PDCD4: variants seen among roughly 807,000 people sequenced by gnomAD.
The protein encoded by PDCD4 is programmed cell death 4.
PDCD4 carries 56 observed loss-of-function variants against 54.0 expected under a neutral mutation model. The observed-to-expected ratio is 1.04, with a 90% CI of 0.84 to 1.30. The LOEUF is 1.30. Ranked by LOEUF, PDCD4 falls within the 50% of genes most tolerant of loss-of-function variation. PDCD4 has a pLI of 0.00. For synonymous variants in PDCD4, 186 were observed against 194.8 expected, an observed-to-expected ratio of 0.95 and a Z score of 0.37; for missense variants, 584 against 559.8, an observed-to-expected ratio of 1.04 and a Z score of -0.44.
chr10:110,872,318 G>C (rs1845423381), intron 1 of PDCD4: 1 of 152,432 alleles, frequency 6.6e-6, no homozygotes, highest in Non-Finnish European at 1.5e-5. Flanking sequence ...CCACTGAGAG[G>C]GGCGCGCGAG....
At chr10:110,881,586 T>C (rs1225876774) in intron 3 of PDCD4, 51 bp downstream of exon 3, 1 of 1,498,170 alleles carries the variant, frequency 6.7e-7, no homozygotes, top group African/African-American at 1.4e-5. Flanking sequence ...TGGAAAAAAA[T>C]TGTCTGGTTC....
At chr10:110,895,339 T>A (rs1195328478) in intron 10 of PDCD4, among the ~76,000 whole-genome samples, 3 of 152,134 alleles carry the variant, frequency 2.0e-5, no homozygotes, top group Non-Finnish European at 2.9e-5. Flanking sequence ...TTATTTGGTT[T>A]TATGTTTGTG....
intron 2 of PDCD4, among the ~76,000 whole-genome samples, chr10:110,879,101 G>A (rs922889357): frequency 2.6e-5 from 4 of 152,036 alleles, no homozygotes; most frequent in Non-Finnish European, 5.9e-5. Flanking sequence ...CTTTAAAAGT[G>A]TAACATTATT....
chr10:110,892,792 T>A (rs1448449323), intron 8 of PDCD4, among the ~76,000 whole-genome samples: 1 of 152,178 alleles, frequency 6.6e-6, no homozygotes, highest in Non-Finnish European at 1.5e-5. Flanking sequence ...AGTGTATGGG[T>A]AATGTCTTAG....
Position 110,898,150 on chromosome 10 carries a change from T to C in PDCD4, c.*62T>C, listed in dbSNP as rs762843302. On this transcript the variant is annotated 3_prime_UTR_variant, in exon 12 of 12. Transcript: ENST00000280154. ...TATATATCTGAATTGTAAGAGTTGT[T>C]AGCACAAGTTTTTTTTTTTTTTTTT... 2.6e-5 allele frequency: 23 copies of C among 888,828 alleles called. No homozygotes were observed. The East Asian group carries it at 6.8e-4, about 26-fold the overall frequency. 55.1% of individuals were successfully genotyped at this position (888,828 alleles called of 1,614,324 possible).
At chr10:110,885,208 T>C (rs1455620396) in intron 4 of PDCD4, 45 bp from the exon 5 acceptor site, 1 of 851,198 alleles carries the variant, frequency 1.2e-6, no homozygotes, top group Admixed American at 2.1e-5. Context: ...ACTTGTTTAT[T>C]TGCATTTTGT....
intron 6 of PDCD4, among the ~76,000 whole-genome samples, chr10:110,889,289 G>A (rs933347797): frequency 1.6e-4 from 25 of 151,774 alleles, no homozygotes; most frequent in African/African-American, 6.1e-4. Context: ...AAGGTGTTAG[G>A]GATTCATTAG....
chr10:110,877,977 C>T (rs1004404180), intron 2 of PDCD4, among the ~76,000 whole-genome samples: 1 of 152,118 alleles, frequency 6.6e-6, no homozygotes, highest in Non-Finnish European at 1.5e-5. Flanking sequence ...TTATGCCACT[C>T]ATTGGACACC....
intron 1 of PDCD4, among the ~76,000 whole-genome samples, chr10:110,872,660 G>C (rs1590723384): frequency 6.6e-6 from 1 of 152,206 alleles, no homozygotes; most frequent in South Asian, 2.1e-4. Flanking sequence ...GGGGCGCTGG[G>C]AGGCGAACAC....
chr10:110,887,535 T>A, intron 5 of PDCD4, 130 bp from the exon 6 acceptor site: 4 of 615,188 alleles, frequency 6.5e-6, no homozygotes, highest in Non-Finnish European at 8.5e-6. Flanking sequence ...TGACTGGGTC[T>A]TTTGATTATT....
intron 8 of PDCD4, among the ~76,000 whole-genome samples, chr10:110,892,964 T>C (rs532112494): frequency 1.3e-5 from 2 of 152,270 alleles, no homozygotes; most frequent in Admixed American, 6.5e-5. Context: ...CAAATACCAT[T>C]GTGTTCCAAT....
intron 1 of PDCD4, among the ~76,000 whole-genome samples, chr10:110,873,899 C>T (rs1010768495): frequency 6.6e-6 from 1 of 152,112 alleles, no homozygotes; most frequent in Admixed American, 6.5e-5. Flanking sequence ...ACAGTTTTGT[C>T]TGACGGAATG....
At chr10:110,886,896 T>C (rs190963084) in intron 5 of PDCD4, among the ~76,000 whole-genome samples, 1 of 152,232 alleles carries the variant, frequency 6.6e-6, no homozygotes, top group African/African-American at 2.4e-5. Context: ...CATTTTAAAC[T>C]TGATACAAAA....
intron 3 of PDCD4, 32 bp from the exon 4 acceptor site, chr10:110,882,971 G>T: frequency 7.7e-7 from 1 of 1,306,876 alleles, no homozygotes; most frequent in Non-Finnish European, 1.1e-6. Flanking sequence ...TGAATTTTGT[G>T]TTTTTTCTTT....
intron 3 of PDCD4, among the ~76,000 whole-genome samples, chr10:110,881,824 A>C (rs916124385): frequency 6.6e-6 from 1 of 152,168 alleles, no homozygotes; most frequent in African/African-American, 2.4e-5. Context: ...TACGAGTTTT[A>C]CGTATATTCT....
chr10:110,890,878 T>G (rs1845745071), intron 8 of PDCD4: 1 of 361,908 alleles, frequency 2.8e-6, no homozygotes, highest in Non-Finnish European at 4.9e-6. Context: ...AAAATGGCTT[T>G]CATGAATAAT....
chr10:110,888,786 C>A (rs1241368942), intron 6 of PDCD4, among the ~76,000 whole-genome samples: 1 of 152,104 alleles, frequency 6.6e-6, no homozygotes, highest in Non-Finnish European at 1.5e-5. Context: ...TTTAACCATA[C>A]CTTTATTTTT....
intron 9 of PDCD4, 98 bp downstream of exon 9, chr10:110,894,296 A>G (rs948280839): frequency 5.5e-5 from 49 of 895,484 alleles, no homozygotes; most frequent in Non-Finnish European, 8.1e-5. Flanking sequence ...TTTTTTTAAT[A>G]TCAAAGGAGG....
chr10:110,878,955 T>TA (rs1395716679), intron 2 of PDCD4, among the ~76,000 whole-genome samples: 1 of 152,168 alleles, frequency 6.6e-6, no homozygotes, highest in Non-Finnish European at 1.5e-5. Flanking sequence ...AGACTATAAT[T>TA]ACTACTGATG....
Sources: gnomAD v4.1 joint callset for allele counts (sites outside exome capture counted in the v4.1 genomes callset) on GRCh38, gnomAD v4.1.1 for gene constraint, MANE v1.5 for transcripts, NCBI Gene and HGNC (gene_info 2026-07-23, HGNC 2026-07-21) for gene names.